Variants in PLA1A observed in about 807,000 individuals in gnomAD.
PLA1A encodes phosphatidylserine-specific phospholipase A1alpha.
A neutral mutation model predicts 49.4 loss-of-function variants in PLA1A; 47 were observed. That is an observed-to-expected ratio of 0.95 (90% CI 0.75 to 1.21). The LOEUF (loss-of-function observed/expected upper bound fraction) is 1.21, where lower values mean the gene tolerates loss of function less well. Among genes scored for constraint, PLA1A ranks in the 50% most tolerant of loss-of-function variants. The pLI is 0.00. For missense variants in PLA1A, 561 were observed against 563.9 expected (o/e 0.99, Z 0.05); for synonymous variants, 224 against 207.9 (o/e 1.08, Z -0.67).
At chr3:119,613,428 G>A (rs1390102603) in intron 5 of PLA1A, among the ~76,000 whole-genome samples, 1 of 152,204 alleles carries the variant, frequency 6.6e-6, no homozygotes, top group African/African-American at 2.4e-5. Context: ...AGCAGTACTG[G>A]GTAGGGCATT....
chr3:119,627,752 G>A (rs2052563427), intron 9 of PLA1A, among the ~76,000 whole-genome samples: 1 of 152,132 alleles, frequency 6.6e-6, no homozygotes, highest in Non-Finnish European at 1.5e-5. Flanking sequence ...GCTGGGTGGT[G>A]CAGCTCTGCT....
At chr3:119,610,046 G>C (rs1196346344) in intron 4 of PLA1A, among the ~76,000 whole-genome samples, 1 of 152,110 alleles carries the variant, frequency 6.6e-6, no homozygotes, top group Non-Finnish European at 1.5e-5. Flanking sequence ...CCAATGTTTA[G>C]CTCCCACTTA....
At chr3:119,624,687 G>A (rs887101756) in intron 8 of PLA1A, among the ~76,000 whole-genome samples, 5 of 151,436 alleles carry the variant, frequency 3.3e-5, no homozygotes, top group Non-Finnish European at 7.4e-5. Flanking sequence ...CTGGAGTGCA[G>A]TGGTGCAATT....
intron 8 of PLA1A, among the ~76,000 whole-genome samples, chr3:119,622,016 C>T (rs769391743): frequency 9.9e-5 from 15 of 151,626 alleles, no homozygotes; most frequent in Non-Finnish European, 1.6e-4. Flanking sequence ...GAGAGGAGTT[C>T]GAGACTGCAG....
In PLA1A at chr3:119,608,829, C is replaced by G; in HGVS notation, c.335C>G (p.Thr112Arg). Residue 112 changes from threonine to arginine, a missense_variant, in exon 3 of 11, where the codon ACG (threonine) becomes AGG (arginine). Transcript: ENST00000273371. ...TTTATTAGAACCCTTCTGCGTGCAACGAATGCTAATGTGATTGCCGTGGAC... is the reference window on the plus strand; with the variant it reads ...TTTATTAGAACCCTTCTGCGTGCAAGGAATGCTAATGTGATTGCCGTGGAC... ...DTFIRTLLRA[T>R]NANVIAVDWI... 2 of 1,613,596 alleles carry G rather than the reference C, an allele frequency of 1.2e-6. No individual in the cohort carries two copies. The highest frequency in any genetic ancestry group is 1.7e-6 in the Non-Finnish European group (2 of 1,179,502).
intron 5 of PLA1A, 120 bp downstream of exon 5, chr3:119,613,238 A>G (rs1226524001): frequency 3.1e-6 from 2 of 636,952 alleles, no homozygotes; most frequent in Non-Finnish European, 5.5e-6. Flanking sequence ...CTTCTGTTGC[A>G]CAGTGAAGAG....
intron 8 of PLA1A, among the ~76,000 whole-genome samples, chr3:119,623,877 A>T (rs1560088018): frequency 6.6e-6 from 1 of 151,750 alleles, no homozygotes; most frequent in Non-Finnish European, 1.5e-5. Flanking sequence ...GGTGCCTGCC[A>T]CCATGCCTGG....
At chr3:119,607,127 A>C (rs955619590) in intron 2 of PLA1A, 152 bp downstream of exon 2, 1 of 650,656 alleles carries the variant, frequency 1.5e-6, no homozygotes, top group Non-Finnish European at 2.7e-6. Context: ...ATGGGGTCTC[A>C]TGTCAACATG....
rs200921577 is a variant in PLA1A at position 119,616,024 on chromosome 3, G to A, written c.677G>A (p.Arg226Gln). ...TGCCTCCTTTCAGATTTGGGTATTC[G>A]GATTCCCGTTGGACATGTGGACTAC... ...IHTDTDNLGI[R>Q]IPVGHVDYFV... is the part of the protein sequence containing the mutation. Residue 226 changes from arginine to glutamine, a missense_variant, in exon 6 of 11, where the codon CGG becomes CAG. Physicochemically the swap from Arg to Gln is conservative, Grantham distance 43. Coordinates refer to ENST00000273371, the MANE Select transcript of PLA1A (RefSeq NM_015900.4). 4.5e-5 allele frequency: 73 copies of A among 1,611,398 alleles called. No individual in the cohort carries two copies. Among genetic ancestry groups the A allele is most frequent in the Admixed American group, 1.7e-4 (10 of 60,002 alleles).
rs1401942706 is a variant in PLA1A, at chr3:119,628,627, C to T, written c.1122-74C>T. 29 of 1,406,284 alleles carry T rather than the reference C, an allele frequency of 2.1e-5. No individual in the cohort carries two copies. In the East Asian group the frequency reaches 2.8e-4, roughly 13 times the overall value. 87.1% of individuals were successfully genotyped at this position (1,406,284 alleles called of 1,614,324 possible). ...GCCAACCAGTGCCACCAGCAGAGCCCGATCGGAGCCAAAGGGGAAGTACAG... is the reference window on the plus strand; with the variant it reads ...GCCAACCAGTGCCACCAGCAGAGCCTGATCGGAGCCAAAGGGGAAGTACAG... On this transcript the variant is annotated intron_variant, in intron 9 of 10. Coordinates refer to ENST00000273371, the MANE Select transcript of PLA1A (RefSeq NM_015900.4).
Position 119,628,737 on chromosome 3 carries a change from C to A in PLA1A, c.1158C>A (p.Ala386=). 6.2e-7 allele frequency: 1 copy of A among 1,614,056 alleles called. No homozygotes were observed. Among genetic ancestry groups the A allele is most frequent in the Non-Finnish European group, 8.5e-7 (1 of 1,179,936 alleles). ...KQQRYGKGII[A]HATPQCQINQ... ...AACGCTATGGGAAAGGAATCATAGC[C>A]CATGCCACCCCACAATGCCAGATAA... Residue 386 remains alanine (A), a synonymous_variant, in exon 10 of 11, where the codon GCC becomes GCA. Transcript: ENST00000273371.
intron 2 of PLA1A, among the ~76,000 whole-genome samples, chr3:119,608,268 G>GAAAGAA (rs2082719392): frequency 6.7e-6 from 1 of 149,684 alleles, no homozygotes; most frequent in African/African-American, 2.5e-5. Flanking sequence ...AAGAAAGAAA[G>GAAAGAA]AAAGAAAGAA....
intron 1 of PLA1A, among the ~76,000 whole-genome samples, chr3:119,599,451 C>T (rs1043470247): frequency 6.6e-6 from 1 of 152,048 alleles, no homozygotes; most frequent in African/African-American, 2.4e-5. Flanking sequence ...TGCTCAGGAG[C>T]CCCAGGCCTC....
chr3:119,615,671 G>C (rs780889539), intron 5 of PLA1A, among the ~76,000 whole-genome samples: 1 of 152,048 alleles, frequency 6.6e-6, no homozygotes, highest in Non-Finnish European at 1.5e-5. Context: ...AAAACTAGCC[G>C]GGTGTGGTGG....
chr3:119,608,605 G>A (rs2082725588), intron 2 of PLA1A, among the ~76,000 whole-genome samples, 165 bp from the exon 3 acceptor site: 1 of 152,200 alleles, frequency 6.6e-6, no homozygotes, highest in Non-Finnish European at 1.5e-5. Flanking sequence ...GGCAACTTTG[G>A]AATTGTGTCC....
In PLA1A at chr3:119,609,485, A is replaced by G. The variant is rs1230888382; in HGVS notation, c.471A>G (p.Glu157=). The change falls in exon 4 of 11, where the codon GAA becomes GAG. Residue 157 remains glutamate, a synonymous_variant. Transcript: ENST00000273371. ...TCTTCTAGGTGCTGGGTGTGTCGGA[A>G]TCCTCAATCCACATCATTGGTGTTA... ...LNKLLVLGVS[E]SSIHIIGVSL... 3.7e-6 allele frequency: 6 copies of G among 1,611,406 alleles called. No homozygotes were observed. The highest frequency in any genetic ancestry group is 1.7e-5 in the Admixed American group (1 of 60,020).
At chr3:119,620,136 G>A (rs752818744) in intron 8 of PLA1A, 2 of 456,722 alleles carry the variant, frequency 4.4e-6, no homozygotes, top group South Asian at 3.1e-5. Context: ...CTAGGATGCT[G>A]GTGATTGTAA....
intron 8 of PLA1A, among the ~76,000 whole-genome samples, chr3:119,622,131 G>GGA (rs60462942): frequency 8.8e-6 from 1 of 113,272 alleles, no homozygotes; most frequent in African/African-American, 3.8e-5. Flanking sequence ...GAGAAGAAGA[G>GGA]GAAGAGGAGG....
rs780148162 is a variant in PLA1A at position 119,619,762 on chromosome 3, G to C, written c.1012+110G>C. On this transcript the variant is annotated intron_variant, in intron 8 of 10. Coordinates refer to ENST00000273371, the MANE Select transcript of PLA1A (RefSeq NM_015900.4). ...GAATGATAAGAGCAAAGGCATCACC[G>C]GAGGTGTGGCAACAGCCCCTGGTCT... 6.3e-6 allele frequency: 5 copies of C among 788,204 alleles called. No homozygotes were observed. In the African/African-American group the frequency reaches 8.4e-5, roughly 13 times the overall value. The allele number at this position is 788,204 out of a possible 1,614,324, so 48.8% of individuals were successfully genotyped here.
Sources: allele counts gnomAD v4.1 joint callset (sites outside exome capture counted in the v4.1 genomes callset), GRCh38; gene constraint gnomAD v4.1.1; transcripts MANE v1.5; gene names NCBI Gene and HGNC (gene_info 2026-07-23, HGNC 2026-07-21).